Variants in PLCH2 observed in about 807,000 individuals in gnomAD.
PLCH2 encodes 1-phosphatidylinositol 4,5-bisphosphate phosphodiesterase eta-2.
PLCH2 carries 98 observed loss-of-function variants against 134.7 expected under a neutral mutation model. The ratio of observed to expected loss-of-function variants is 0.73; its 90% confidence interval spans 0.62 to 0.86. PLCH2 has a LOEUF of 0.86. PLCH2 is among the 40% of genes least tolerant of loss of function. The probability of loss-of-function intolerance (pLI) is 0.00; values close to 1 mark genes in which losing one functional copy is unlikely to be tolerated. For synonymous variants in PLCH2, 974 were observed against 827.5 expected (o/e 1.18, Z -3.04); for missense variants, 1,994 against 1,986.6 (o/e 1.00, Z -0.07).
intron 4 of PLCH2, among the ~76,000 whole-genome samples, chr1:2,483,189 G>A (rs769600899): frequency 1.1e-4 from 17 of 152,220 alleles, no homozygotes; most frequent in Non-Finnish European, 2.2e-4. Flanking sequence ...GAGGCCTGAG[G>A]ACTCAGCCAG....
chr1:2,480,024 C>T (rs1641873868), intron 3 of PLCH2, 47 bp downstream of exon 3: 1 of 1,588,226 alleles, frequency 6.3e-7, no homozygotes, highest in African/African-American at 1.3e-5. Context: ...GGACCGGCCC[C>T]TTGGCTGCTC....
intron 2 of PLCH2, among the ~76,000 whole-genome samples, chr1:2,459,442 C>CGGTGGTCCTCCTTCCT: frequency 1.0e-4 from 1 of 9,676 alleles, no homozygotes; most frequent in Non-Finnish European, 2.4e-4. Flanking sequence ...TCCTCCTTGC[C>CGGTGGTCCTCCTTCCT]GGTGGTCCTC....
chr1:2,502,088 C>T (rs1332611675), intron 20 of PLCH2, 24 bp from the exon 21 acceptor site: 4 of 1,421,956 alleles, frequency 2.8e-6, no homozygotes, highest in African/African-American at 1.5e-5. Flanking sequence ...CTGGCAACAG[C>T]TACATGGGCT....
intron 2 of PLCH2, among the ~76,000 whole-genome samples, chr1:2,452,809 G>A (rs773308916): frequency 1.3e-5 from 2 of 152,226 alleles, no homozygotes; most frequent in Non-Finnish European, 2.9e-5. Context: ...GCTGACCGCC[G>A]CTGGGCCTGG....
In PLCH2 at chr1:2,503,910, A is replaced by AGACACCCCCCCCC; in HGVS notation, c.2960-12_2960-11insGACACCCCCCCCC. On this transcript the variant is annotated splice_polypyrimidine_tract_variant and intron_variant, in intron 21 of 21. Coordinates refer to ENST00000378486, the MANE Select transcript of PLCH2 (RefSeq NM_014638.4). ...CCCTCTGGCTCTCTCTCACTCCCCC[A>AGACACCCCCCCCC]CCTCCCCACAGACACCCGCCCCCTC... 1 of 266,700 alleles carries AGACACCCCCCCCC rather than the reference A, an allele frequency of 3.7e-6. No individual in the cohort carries two copies. The highest frequency in any genetic ancestry group is 6.5e-6 in the Non-Finnish European group (1 of 153,078). The allele number at this position is 266,700 out of a possible 1,614,324, so 16.5% of individuals were successfully genotyped here. A position where few individuals can be genotyped will look rare whatever the true frequency, so the allele number is the denominator to read the frequency against.
rs573587088 is a variant in PLCH2 at position 2,490,050 on chromosome 1, G to C, written c.1515+183G>C. Among the ~76,000 whole-genome samples the C allele has an allele frequency of 1.6e-4, 22 of 139,798 alleles. No individual in the cohort carries two copies. In the Middle Eastern group the frequency reaches 0.014, roughly 90 times the overall value. 91.7% of individuals were successfully genotyped at this position (139,798 alleles called of 152,430 possible). A position where few individuals can be genotyped will look rare whatever the true frequency, so the allele number is the denominator to read the frequency against. Reference sequence around the variant, plus strand: ...CCTGCCCACCCACCCCTCTGCATGAGAGCTGCAGGCCTGCCTCTTCCCAGT... The same window carrying C: ...CCTGCCCACCCACCCCTCTGCATGACAGCTGCAGGCCTGCCTCTTCCCAGT... On this transcript the variant is annotated intron_variant, in intron 10 of 21. Coordinates refer to ENST00000378486, the MANE Select transcript of PLCH2 (RefSeq NM_014638.4).
At chr1:2,500,795 G>A (rs1298490935) in intron 20 of PLCH2, 1 of 29,504 alleles carries the variant, frequency 3.4e-5, no homozygotes, top group Non-Finnish European at 6.7e-5. Context: ...CCCTCCCTCA[G>A]TCCTCCCTCC....
At chr1:2,481,543 G>A (rs951980241) in intron 4 of PLCH2, among the ~76,000 whole-genome samples, 1 of 152,244 alleles carries the variant, frequency 6.6e-6, no homozygotes, top group Non-Finnish European at 1.5e-5. Context: ...TGAGTGGGAG[G>A]AGACAGATGC....
In PLCH2 at chr1:2,505,332, C is replaced by T. The variant is rs905621070; in HGVS notation, c.*119C>T. 2.0e-5 allele frequency: 14 copies of T among 711,952 alleles called. No individual in the cohort carries two copies. Among genetic ancestry groups the T allele is most frequent in the Non-Finnish European group, 1.1e-5 (5 of 443,186 alleles). The allele number at this position is 711,952 out of a possible 1,614,324, so 44.1% of individuals were successfully genotyped here. ...CTGTGTCCCCCTGGCTGCCCTGTGT[C>T]CCCTCCACCCCTGCCTCCCTCCTGC... On this transcript the variant is annotated 3_prime_UTR_variant, in exon 22 of 22. Coordinates refer to ENST00000378486, the MANE Select transcript of PLCH2 (RefSeq NM_014638.4).
chr1:2,417,838 C>T, the PLCH2 span, among the ~76,000 whole-genome samples: 1 of 152,224 alleles, frequency 6.6e-6, no homozygotes, highest in Non-Finnish European at 1.5e-5. Flanking sequence ...TGACCTTGAG[C>T]AGCTCCTGGT....
chr1:2,505,078 A>G lies in PLCH2; in HGVS notation c.4116A>G (p.Pro1372=), dbSNP rs1412018942. 1.3e-6 allele frequency: 2 copies of G among 1,538,610 alleles called. No individual in the cohort carries two copies. The highest frequency in any genetic ancestry group is 1.9e-5 in the Admixed American group (1 of 51,430). The change falls in exon 22 of 22, where the codon CCA becomes CCG. Residue 1372 remains proline, a synonymous_variant. Transcript: ENST00000378486. Reference sequence around the variant, plus strand: ...AGGGCCTGGGCCGGCAGGGACCCCCAGAAGAGGAGCGGGGCACCCCCGAGG... The same window carrying G: ...AGGGCCTGGGCCGGCAGGGACCCCCGGAAGAGGAGCGGGGCACCCCCGAGG... ...RLQGLGRQGP[P]EEERGTPEGA...
chr1:2,484,443 T>C lies in PLCH2; in HGVS notation c.646-5T>C. On this transcript the variant is annotated splice_region_variant and splice_polypyrimidine_tract_variant and intron_variant, in intron 4 of 21. Coordinates refer to ENST00000378486, the MANE Select transcript of PLCH2 (RefSeq NM_014638.4). ...CCAATGGGGACCCAAGGCCTTGCATTGCAGGAAGCGGACACGGATGACCAC... is the reference window on the plus strand; with the variant it reads ...CCAATGGGGACCCAAGGCCTTGCATCGCAGGAAGCGGACACGGATGACCAC... The C allele has an allele frequency of 6.2e-7, 1 of 1,613,068 alleles. No homozygotes were observed.
At chr1:2,418,393 C>T in the PLCH2 span, among the ~76,000 whole-genome samples, 2 of 152,164 alleles carry the variant, frequency 1.3e-5, no homozygotes, top group African/African-American at 2.4e-5. Context: ...GGGGCTCCTG[C>T]AGCGAGCTCT....
At chr1:2,475,833 C>T (rs1454175249), upstream of PLCH2, among the ~76,000 whole-genome samples, 2 of 152,186 alleles carry the variant, frequency 1.3e-5, no homozygotes, top group Non-Finnish European at 2.9e-5. Context: ...AGGGATCCGG[C>T]TCGGCTCCCC....
At position 2,503,569 on chromosome 1, in the gene PLCH2, C is replaced by G. The variant is rs1024315157; in HGVS notation, c.2960-353C>G. 6 of 685,704 alleles carry G rather than the reference C, an allele frequency of 8.8e-6. No individual in the cohort carries two copies. The African/African-American group carries it at 1.1e-4, about 12-fold the overall frequency. The allele number at this position is 685,704 out of a possible 1,614,324, so 42.5% of individuals were successfully genotyped here. A position where few individuals can be genotyped will look rare whatever the true frequency, so the allele number is the denominator to read the frequency against. On this transcript the variant is annotated intron_variant, in intron 21 of 21. Coordinates refer to ENST00000378486, the MANE Select transcript of PLCH2 (RefSeq NM_014638.4). Reference sequence around the variant, plus strand: ...CCACACCACCCTGCCCCTCCAGACCCCCCTGACCAAGCTTTCCTTTCTGCC... The same window carrying G: ...CCACACCACCCTGCCCCTCCAGACCGCCCTGACCAAGCTTTCCTTTCTGCC...
intron 4 of PLCH2, among the ~76,000 whole-genome samples, chr1:2,483,752 T>C (rs563485051): frequency 8.7e-6 from 1 of 115,012 alleles, no homozygotes; most frequent in Non-Finnish European, 1.9e-5. Context: ...GAGTGTGTTG[T>C]TGACCCCCGT....
chr1:2,433,367 C>G (rs927501819), intron 2 of PLCH2, among the ~76,000 whole-genome samples: 1 of 152,218 alleles, frequency 6.6e-6, no homozygotes, highest in Non-Finnish European at 1.5e-5. Context: ...GGCAGCATGG[C>G]CCTACTTGGC....
chr1:2,416,348 A>G, the PLCH2 span, among the ~76,000 whole-genome samples: 1 of 152,004 alleles, frequency 6.6e-6, no homozygotes, highest in Non-Finnish European at 1.5e-5. Flanking sequence ...TTAGCTATAC[A>G]TGGGTTTGGG....
intron 2 of PLCH2, among the ~76,000 whole-genome samples, chr1:2,445,319 ACGAG>A (rs747887945): frequency 6.6e-6 from 1 of 152,062 alleles, no homozygotes; most frequent in Non-Finnish European, 1.5e-5. Flanking sequence ...CCTCGTCTGG[ACGAG>A]GCAGGGAGGG....
Sources: allele counts gnomAD v4.1 joint callset (sites outside exome capture counted in the v4.1 genomes callset), GRCh38; gene constraint gnomAD v4.1.1; transcripts MANE v1.5; gene names NCBI Gene and HGNC (gene_info 2026-07-23, HGNC 2026-07-21).